GALC: variants seen among roughly 807,000 people sequenced by gnomAD.
GALC encodes galactosylceramidase.
Under a neutral mutation model 91.8 loss-of-function variants are expected in GALC, and 77 were observed. The observed-to-expected ratio is 0.84, with a 90% CI of 0.70 to 1.01. The LOEUF is 1.01. Ranked by LOEUF, GALC falls within the 50% of genes least tolerant of loss-of-function variation. GALC has a pLI of 0.00. For missense variants in GALC, 882 were observed against 855.9 expected (o/e 1.03, Z -0.38); for synonymous variants, 357 against 306.7 (o/e 1.16, Z -1.71).
At chr14:87,993,288 T>C, upstream of GALC, 1 of 1,538,976 alleles carries the variant, frequency 6.5e-7, no homozygotes, top group Non-Finnish European at 8.7e-7. Context: ...CAAGGGCCTC[T>C]GACGCAGCTG....
At chr14:87,940,679 A>C (rs1884796116) in intron 15 of GALC, among the ~76,000 whole-genome samples, 1 of 151,890 alleles carries the variant, frequency 6.6e-6, no homozygotes, top group Non-Finnish European at 1.5e-5. Context: ...CTTCCTCTTT[A>C]ATTTTTATTT....
Position 87,988,532 on chromosome 14 carries a change from A to G in GALC, c.196-9T>C, listed in dbSNP as rs776907825. ...AGAAGTCGGGAGGTTGCCTAAAAAA[A>G]AAAGTTTTCAAAAGTATGAATAAAA... On this transcript the variant is annotated splice_polypyrimidine_tract_variant and intron_variant, in intron 1 of 16. Coordinates refer to ENST00000261304, the MANE Select transcript of GALC (RefSeq NM_000153.4). 52 of 1,586,368 alleles carry G rather than the reference A, an allele frequency of 3.3e-5. No individual in the cohort carries two copies. The highest frequency in any genetic ancestry group is 4.0e-5 in the African/African-American group (3 of 74,342).
intron 13 of GALC, 99 bp from the exon 14 acceptor site, chr14:87,945,832 TTAAA>T (rs1885050838): frequency 5.6e-6 from 5 of 890,324 alleles, no homozygotes; most frequent in African/African-American, 3.4e-5. Flanking sequence ...CTGAAAGCTT[TTAAA>T]TAAATAAATA....
upstream of GALC, chr14:87,993,418 C>CT (rs1555384444): frequency 2.0e-6 from 3 of 1,535,850 alleles, no homozygotes; most frequent in Non-Finnish European, 2.6e-6. Context: ...TGGTGGAGCA[C>CT]TTTAACGCAG....
In GALC at chr14:87,986,610, G is replaced by C. The variant is rs745493654; in HGVS notation, c.329-8C>G. 1.3e-6 allele frequency: 2 copies of C among 1,565,268 alleles called. No individual in the cohort carries two copies. The highest frequency in any genetic ancestry group is 3.3e-5 in the Admixed American group (2 of 59,860). On this transcript the variant is annotated splice_polypyrimidine_tract_variant and splice_region_variant and intron_variant, in intron 3 of 16. Coordinates refer to ENST00000261304, the MANE Select transcript of GALC (RefSeq NM_000153.4). ...GGGAGGGCTCAGTGCCGTCTGAATA[G>C]AGGAGAGCAAAAACGGAAGTAATGA...
At position 87,956,527 on chromosome 14, in the gene GALC, G is replaced by A. The variant is rs965573362; in HGVS notation, c.1162-5779C>T. On this transcript the variant is annotated intron_variant, in intron 10 of 16. Coordinates refer to ENST00000261304, the MANE Select transcript of GALC (RefSeq NM_000153.4). Reference sequence around the variant, plus strand: ...TATTTCATGATGTGTGTGTGTATATGTATATACATACACCATATATATATA... The same window carrying A: ...TATTTCATGATGTGTGTGTGTATATATATATACATACACCATATATATATA... 2.1e-5 allele frequency among the ~76,000 whole-genome samples: 3 copies of A among 146,118 alleles called. No individual in the cohort carries two copies. The South Asian group carries it at 6.5e-4, about 32-fold the overall frequency.
intron 5 of GALC, among the ~76,000 whole-genome samples, chr14:87,982,836 CAA>C (rs1425986283): frequency 2.6e-5 from 4 of 152,092 alleles, no homozygotes; most frequent in Non-Finnish European, 5.9e-5. Flanking sequence ...CTGTTAATAA[CAA>C]GAGACGATTC....
intron 14 of GALC, among the ~76,000 whole-genome samples, chr14:87,942,240 T>C (rs776724657): frequency 3.3e-5 from 5 of 151,958 alleles, no homozygotes; most frequent in Admixed American, 6.6e-5. Context: ...GTCTAACAAG[T>C]TCCCAGGTGA....
chr14:87,967,317 G>A (rs566506080), intron 8 of GALC, among the ~76,000 whole-genome samples: 2 of 152,272 alleles, frequency 1.3e-5, no homozygotes, highest in African/African-American at 2.4e-5. Flanking sequence ...TCATAAGACT[G>A]TAGGTGATTT....
At chr14:87,946,471 A>G (rs1041782504) in intron 13 of GALC, among the ~76,000 whole-genome samples, 2 of 151,396 alleles carry the variant, frequency 1.3e-5, no homozygotes, top group Admixed American at 1.3e-4. Flanking sequence ...GACATTTAGA[A>G]CCCTAACAAG....
upstream of GALC, chr14:87,993,193 G>C: frequency 6.4e-7 from 1 of 1,565,230 alleles, no homozygotes; most frequent in Non-Finnish European, 8.7e-7. Context: ...CCGGCGCCCA[G>C]GGAGGCGGGT....
chr14:87,937,357 A>C (rs1441179896), intron 16 of GALC, among the ~76,000 whole-genome samples: 1 of 151,830 alleles, frequency 6.6e-6, no homozygotes, highest in East Asian at 1.9e-4. Flanking sequence ...TGTAAAAATT[A>C]AGCCAGGTCA....
At chr14:87,934,928 T>C in intron 16 of GALC, 50 bp from the exon 17 acceptor site, 1 of 1,380,634 alleles carries the variant, frequency 7.2e-7, no homozygotes. Context: ...AATGGTCCTC[T>C]GAAGTCTGTT....
chr14:87,979,465 G>A (rs1021555816), intron 6 of GALC, among the ~76,000 whole-genome samples: 7 of 152,192 alleles, frequency 4.6e-5, no homozygotes, highest in Admixed American at 1.3e-4. Context: ...AAAAGGAAAT[G>A]AAGTCTGAAC....
At chr14:87,984,371 CAT>C (rs759422006) in intron 5 of GALC, 21 bp downstream of exon 5, 2 of 1,595,140 alleles carry the variant, frequency 1.3e-6, no homozygotes, top group Non-Finnish European at 1.7e-6. Flanking sequence ...AAAACTGAAT[CAT>C]ATTTTAAATA....
intron 12 of GALC, among the ~76,000 whole-genome samples, chr14:87,949,503 A>G (rs553733251): frequency 1.7e-4 from 26 of 152,174 alleles, no homozygotes; most frequent in Non-Finnish European, 3.1e-4. Flanking sequence ...GAAATCCAGG[A>G]GAGCGATAAT....
At position 87,934,576 on chromosome 14, in the gene GALC, G is replaced by C; in HGVS notation, c.*156C>G. On this transcript the variant is annotated 3_prime_UTR_variant, in exon 17 of 17. Transcript: ENST00000261304. ...TTAATTCTAATAAAATCTTCCACAG[G>C]GTAAATTAAAAATAAATTTCTCTCC... The C allele has an allele frequency of 6.7e-7, 1 of 1,493,536 alleles. No homozygotes were observed. The highest frequency in any genetic ancestry group is 8.9e-7 in the Non-Finnish European group (1 of 1,127,854). 92.5% of individuals were successfully genotyped at this position (1,493,536 alleles called of 1,614,324 possible). A position where few individuals can be genotyped will look rare whatever the true frequency, so the allele number is the denominator to read the frequency against.
chr14:87,992,633 A>C, intron 1 of GALC: 1 of 1,448,656 alleles, frequency 6.9e-7, no homozygotes, highest in Non-Finnish European at 9.0e-7. Flanking sequence ...CTCCGCGATG[A>C]AGACAGCCTG....
At chr14:87,956,455 G>C (rs1566981941) in intron 10 of GALC, among the ~76,000 whole-genome samples, 3 of 151,562 alleles carry the variant, frequency 2.0e-5, no homozygotes, top group Non-Finnish European at 2.9e-5. Context: ...CAAAAAATGA[G>C]ACATTCAAAG....
Sources: allele counts gnomAD v4.1 joint callset (sites outside exome capture counted in the v4.1 genomes callset), GRCh38; gene constraint gnomAD v4.1.1; transcripts MANE v1.5; gene names NCBI Gene and HGNC (gene_info 2026-07-23, HGNC 2026-07-21).